RAC1: variants seen among roughly 807,000 people sequenced by gnomAD.
The protein encoded by RAC1 is ras-related C3 botulinum toxin substrate 1.
In RAC1, 2 loss-of-function variants were observed where a neutral mutation model predicts 25.2. That is an observed-to-expected ratio of 0.08 (90% confidence interval 0.03 to 0.25). RAC1 has a LOEUF of 0.25. RAC1 is among the 10% of genes least tolerant of loss of function. The pLI, the probability that RAC1 is intolerant of heterozygous loss-of-function variation, is 1.00. For missense variants in RAC1, 50 were observed against 235.7 expected (o/e 0.21, Z 5.16); for synonymous variants, 88 against 94.0 (o/e 0.94, Z 0.37).
chr7:6,391,220 C>CT lies in RAC1; in HGVS notation c.108-691dup, dbSNP rs111691263. ...GCCTCTGCTTTTTATTATATTTTTC[C>CT]TTTTTTTTTTTTTCTTTTTTGCCTT... On this transcript the variant is annotated intron_variant, in intron 2 of 5. Coordinates refer to ENST00000348035, the MANE Select transcript of RAC1 (RefSeq NM_006908.5). 8.1e-3 allele frequency among the ~76,000 whole-genome samples: 1,170 copies of CT among 144,256 alleles called. 3 individuals are homozygous for CT. Among genetic ancestry groups the CT allele is most frequent in the South Asian group, 0.019 (88 of 4,588 alleles). The allele number at this position is 144,256 out of a possible 152,430, so 94.6% of individuals were successfully genotyped here.
chr7:6,379,073 A>G (rs1463782635), intron 1 of RAC1, among the ~76,000 whole-genome samples: 1 of 152,154 alleles, frequency 6.6e-6, no homozygotes, highest in African/African-American at 2.4e-5. Context: ...CCTGGGTAAC[A>G]GAGTGAGACT....
chr7:6,381,962 A>AG (rs1782777858), intron 1 of RAC1, among the ~76,000 whole-genome samples: 1 of 151,936 alleles, frequency 6.6e-6, no homozygotes, highest in East Asian at 1.9e-4. Context: ...ACAGTTACTA[A>AG]ATTCTACTGC....
chr7:6,391,394 T>C (rs1356878922), intron 2 of RAC1: 1 of 153,666 alleles, frequency 6.5e-6, no homozygotes, highest in Admixed American at 6.5e-5. Context: ...TTCACATGAA[T>C]TTAAACATTT....
At position 6,387,257 on chromosome 7, in the gene RAC1, A is replaced by T. The variant is rs1357653249; in HGVS notation, c.81A>T (p.Ala27=). ...TCLLISYTTN[A]FPGEYIPTVF... ...TACTGATCAGTTACACAACCAATGC[A>T]TTTCCTGGAGAATATATCCCTACTG... Residue 27 remains alanine, a synonymous_variant, in exon 2 of 6, where the codon GCA becomes GCT. Coordinates refer to ENST00000348035, the MANE Select transcript of RAC1 (RefSeq NM_006908.5). 1 of 1,566,690 alleles carries T rather than the reference A, an allele frequency of 6.4e-7. No homozygotes were observed. The highest frequency in any genetic ancestry group is 8.6e-7 in the Non-Finnish European group (1 of 1,161,024).
Sources: allele counts gnomAD v4.1 joint callset (sites outside exome capture counted in the v4.1 genomes callset), GRCh38; gene constraint gnomAD v4.1.1; transcripts MANE v1.5; gene names NCBI Gene and HGNC (gene_info 2026-07-23, HGNC 2026-07-21).